The following CPEB4 variants were observed in gnomAD, a reference collection of about 807,000 sequenced individuals.
The protein encoded by CPEB4 is cytoplasmic polyadenylation element-binding protein 4.
CPEB4 carries 12 observed loss-of-function variants against 72.5 expected under a neutral mutation model. The ratio of observed to expected loss-of-function variants is 0.17; its 90% confidence interval spans 0.11 to 0.27. The LOEUF (loss-of-function observed/expected upper bound fraction) is 0.27. Ranked by LOEUF, CPEB4 falls within the 10% of genes least tolerant of loss-of-function variation. The probability of loss-of-function intolerance (pLI) is 1.00; values close to 1 mark genes in which losing one functional copy is unlikely to be tolerated. For synonymous variants in CPEB4, 302 were observed against 326.3 expected (o/e 0.93, Z 0.80); for missense variants, 614 against 908.5 (o/e 0.68, Z 4.17).
chr5:173,897,720 TTTATTA>T (rs1756071027), intron 1 of CPEB4, among the ~76,000 whole-genome samples: 1 of 152,242 alleles, frequency 6.6e-6, no homozygotes, highest in Non-Finnish European at 1.5e-5. Flanking sequence ...TCCAAACTTT[TTTATTA>T]ACGTAGTCAT....
At chr5:173,906,743 T>C (rs1756449861) in intron 1 of CPEB4, among the ~76,000 whole-genome samples, 1 of 152,234 alleles carries the variant, frequency 6.6e-6, no homozygotes, top group Non-Finnish European at 1.5e-5. Flanking sequence ...AAAAAATTAG[T>C]ATCATTACTA....
intron 4 of CPEB4, among the ~76,000 whole-genome samples, chr5:173,943,625 C>T (rs1757921977): frequency 6.6e-6 from 1 of 152,012 alleles, no homozygotes. Context: ...ATTCTTGGCA[C>T]CTATATTTTG....
At chr5:173,914,833 TAA>T (rs1203398142) in intron 2 of CPEB4, among the ~76,000 whole-genome samples, 1 of 152,162 alleles carries the variant, frequency 6.6e-6, no homozygotes, top group African/African-American at 2.4e-5. Flanking sequence ...AAAAAAAAAT[TAA>T]AAGATTTGAT....
chr5:173,909,172 A>T (rs1381966196), intron 1 of CPEB4, among the ~76,000 whole-genome samples: 2 of 152,028 alleles, frequency 1.3e-5, no homozygotes, highest in African/African-American at 4.8e-5. Context: ...TGTACCCCAC[A>T]CTCTTCCTTC....
intron 2 of CPEB4, among the ~76,000 whole-genome samples, chr5:173,930,815 C>T (rs910572692): frequency 6.6e-6 from 1 of 151,694 alleles, no homozygotes; most frequent in Non-Finnish European, 1.5e-5. Context: ...AGTGAAACCC[C>T]GTCCCTACTA....
At chr5:173,940,062 C>T (rs914455804) in intron 3 of CPEB4, among the ~76,000 whole-genome samples, 8 of 151,322 alleles carry the variant, frequency 5.3e-5, no homozygotes, top group Non-Finnish European at 1.0e-4. Flanking sequence ...GAGCTGAGAT[C>T]GTGCCACCGC....
chr5:173,911,668 T>G (rs1489171254), intron 2 of CPEB4, among the ~76,000 whole-genome samples: 1 of 149,274 alleles, frequency 6.7e-6, no homozygotes, highest in East Asian at 2.0e-4. Context: ...AATATCAGTT[T>G]ATTAGAAAGC....
In CPEB4 at chr5:173,944,973, C is replaced by G. The variant is rs758927217; in HGVS notation, c.1289C>G (p.Ser430Cys). Reference protein sequence around the residue: ...ARTYGRRRGQSSLFPMEDGFL... With the variant: ...ARTYGRRRGQCSLFPMEDGFL... ...TCCCTGCTTTCTATTCCAGGTCAGT[C>G]TTCACTGTTTCCAATGGAAGATGGA... is the stretch of plus-strand genomic sequence containing the variant. The change falls in exon 5 of 10, where the codon TCT becomes TGT. Residue 430 changes from serine (S) to cysteine (C), a missense_variant. By Grantham distance (112) the Ser-to-Cys change is moderately radical (BLOSUM62 -1). Coordinates refer to ENST00000265085, the MANE Select transcript of CPEB4 (RefSeq NM_030627.4). 6.2e-7 allele frequency: 1 copy of G among 1,611,734 alleles called. No individual in the cohort carries two copies. The highest frequency in any genetic ancestry group is 1.1e-5 in the South Asian group (1 of 90,810).
At chr5:173,901,685 C>A (rs917076484) in intron 1 of CPEB4, among the ~76,000 whole-genome samples, 2 of 152,222 alleles carry the variant, frequency 1.3e-5, no homozygotes, top group African/African-American at 4.8e-5. Flanking sequence ...CTCCTAGCTT[C>A]ATTTGCCTAC....
chr5:173,890,156 A>G lies in CPEB4; in HGVS notation c.423A>G (p.Thr141=). ...EKIRIESPVL[T]GFDYQEATGL... is the part of the protein sequence containing the mutation. ...TAAGGATCGAATCTCCAGTGTTGAC[A>G]GGGTTTGATTATCAAGAAGCCACTG... is the stretch of plus-strand genomic sequence containing the variant. The change falls in exon 1 of 10, where the codon ACA becomes ACG. Residue 141 remains threonine (T), a synonymous_variant. Transcript: ENST00000265085. 6.2e-7 allele frequency: 1 copy of G among 1,614,156 alleles called. No individual in the cohort carries two copies. The highest frequency in any genetic ancestry group is 1.3e-5 in the African/African-American group (1 of 75,054).
At position 173,960,148 on chromosome 5, in the gene CPEB4, G is replaced by A. The variant is rs1212551203; in HGVS notation, c.*4011G>A. 2.6e-5 allele frequency: 4 copies of A among 152,588 alleles called. No homozygotes were observed. Among genetic ancestry groups the A allele is most frequent in the Non-Finnish European group, 4.4e-5 (3 of 68,002 alleles). The allele number at this position is 152,588 out of a possible 1,614,324, so 9.5% of individuals were successfully genotyped here. ...CTATTTTTGTATGTTCTACTCTTAAGTTATATAACACAGTTCCTTTTTTAA... is the reference window on the plus strand; with the variant it reads ...CTATTTTTGTATGTTCTACTCTTAAATTATATAACACAGTTCCTTTTTTAA... On this transcript the variant is annotated 3_prime_UTR_variant, in exon 10 of 10. Transcript: ENST00000265085.
chr5:173,960,881 T>G lies in CPEB4; in HGVS notation c.*4744T>G, dbSNP rs777505891. The G allele has an allele frequency of 6.6e-6, 1 of 152,226 alleles. No homozygotes were observed. 9.4% of individuals were successfully genotyped at this position (152,226 alleles called of 1,614,324 possible). Reference sequence around the variant, plus strand: ...AAAATATTATCTTTGATTTGATCCATTAATCATGTGGACTACCAAGTGCTG... The same window carrying G: ...AAAATATTATCTTTGATTTGATCCAGTAATCATGTGGACTACCAAGTGCTG... On this transcript the variant is annotated 3_prime_UTR_variant, in exon 10 of 10. Coordinates refer to ENST00000265085, the MANE Select transcript of CPEB4 (RefSeq NM_030627.4).
rs1348875328 is a variant in CPEB4, at chr5:173,959,746, A to ATT, written c.*3612_*3613dup. ...AAAAGAGGTTTTGGTCATTTGCTTTATTTTATTATTTTAAAGCTACTGTGA... is the reference window on the plus strand; with the variant it reads ...AAAAGAGGTTTTGGTCATTTGCTTTATTTTTTATTATTTTAAAGCTACTGTGA... On this transcript the variant is annotated 3_prime_UTR_variant, in exon 10 of 10. Transcript: ENST00000265085. 3.3e-5 allele frequency: 5 copies of ATT among 152,456 alleles called. No homozygotes were observed. Among genetic ancestry groups the ATT allele is most frequent in the Admixed American group, 6.6e-5 (1 of 15,264 alleles). 9.4% of individuals were successfully genotyped at this position (152,456 alleles called of 1,614,324 possible).
At chr5:173,941,222 G>A (rs533356241) in intron 3 of CPEB4, among the ~76,000 whole-genome samples, 20 of 152,286 alleles carry the variant, frequency 1.3e-4, no homozygotes, top group Admixed American at 3.3e-4. Context: ...GCAGTTGTAT[G>A]AATAGAATGT....
chr5:173,911,184 C>T (rs143992400), intron 2 of CPEB4, among the ~76,000 whole-genome samples: 1,613 of 151,930 alleles, frequency 0.011, 9 homozygotes, highest in African/African-American at 0.015. Flanking sequence ...ATTTCTTCAC[C>T]TTTATAAAGA....
chr5:173,916,392 AGT>A (rs1756869762), intron 2 of CPEB4, among the ~76,000 whole-genome samples: 1 of 152,228 alleles, frequency 6.6e-6, no homozygotes. Context: ...AGTTGTTTAA[AGT>A]GCCAGTCTTT....
At chr5:173,892,538 A>G (rs1053808904) in intron 1 of CPEB4, among the ~76,000 whole-genome samples, 5 of 152,184 alleles carry the variant, frequency 3.3e-5, no homozygotes, top group Non-Finnish European at 7.4e-5. Flanking sequence ...CATTCAGTAC[A>G]TTTTAACTGG....
intron 1 of CPEB4, among the ~76,000 whole-genome samples, chr5:173,895,857 C>T (rs1282424988): frequency 6.6e-5 from 10 of 152,030 alleles, no homozygotes; most frequent in Admixed American, 3.9e-4. Context: ...TCAGAGAAGC[C>T]ATCTTCAGAG....
chr5:173,910,745 T>G, intron 2 of CPEB4, 141 bp downstream of exon 2: 1 of 615,800 alleles, frequency 1.6e-6, no homozygotes, highest in Non-Finnish European at 2.9e-6. Context: ...CATATACCTC[T>G]TGTTGTTAAA....
Sources: gnomAD v4.1 joint callset for allele counts (sites outside exome capture counted in the v4.1 genomes callset) on GRCh38, gnomAD v4.1.1 for gene constraint, MANE v1.5 for transcripts, NCBI Gene and HGNC (gene_info 2026-07-23, HGNC 2026-07-21) for gene names.